Variants in IFT52 observed in about 807,000 individuals in gnomAD.
IFT52 encodes the protein intraflagellar transport 52.
In IFT52, 44 loss-of-function variants were observed where a neutral mutation model predicts 54.4. The ratio of observed to expected loss-of-function variants is 0.81; its 90% CI spans 0.63 to 1.04. IFT52 has a LOEUF of 1.04. Among genes scored for constraint, IFT52 ranks in the 50% least tolerant of loss-of-function variants. IFT52 has a pLI of 0.00. For synonymous variants in IFT52, 181 were observed against 185.3 expected (o/e 0.98, Z 0.19); for missense variants, 452 against 523.6 (o/e 0.86, Z 1.33).
intron 10 of IFT52, among the ~76,000 whole-genome samples, chr20:43,634,847 G>A (rs532438237): frequency 6.6e-6 from 1 of 152,072 alleles, no homozygotes; most frequent in Admixed American, 6.6e-5. Flanking sequence ...ATGTGTCTGT[G>A]TGCTCTCATC....
intron 10 of IFT52, among the ~76,000 whole-genome samples, chr20:43,627,649 TGTAGG>T (rs1323706504): frequency 6.6e-6 from 1 of 152,074 alleles, no homozygotes; most frequent in African/African-American, 2.4e-5. Context: ...AAATGGATAA[TGTAGG>T]AGAGAGCGAG....
rs1325531360 is a variant in IFT52 at position 43,645,346 on chromosome 20, A to G, written c.1267-1590A>G. ...GCCAAGGCAGGTGGATCACGAGGTC[A>G]GGAGATCGAGACCATACTGGCTAAC... On this transcript the variant is annotated intron_variant, in intron 13 of 13. Coordinates refer to ENST00000373030, the MANE Select transcript of IFT52 (RefSeq NM_016004.5). Among the ~76,000 whole-genome samples, 5 of 55,628 alleles carry G rather than the reference A, an allele frequency of 9.0e-5. 2 individuals carry two copies. The highest frequency in any genetic ancestry group is 2.1e-4 in the Non-Finnish European group (5 of 23,556). 36.5% of individuals were successfully genotyped at this position (55,628 alleles called of 152,430 possible). A position where few individuals can be genotyped will look rare whatever the true frequency, so the allele number is the denominator to read the frequency against.
Position 43,623,985 on chromosome 20 carries a change from C to G in IFT52, c.863C>G (p.Thr288Ser). Reference protein sequence around the residue: ...QESDEIPRDFTTLFDLSIFQL... With the variant: ...QESDEIPRDFSTLFDLSIFQL... The stretch of plus-strand genomic sequence containing the variant: ...AGTGATGAGATCCCAAGGGACTTTA[C>G]CACCCTCTTCGACCTGTCCATCTTC... Residue 288 changes from threonine (T) to serine (S), a missense_variant, in exon 10 of 14, where the codon ACC becomes AGC. Coordinates refer to ENST00000373030, the MANE Select transcript of IFT52 (RefSeq NM_016004.5). 1 of 1,614,146 alleles carries G rather than the reference C, an allele frequency of 6.2e-7. No homozygotes were observed. The highest frequency in any genetic ancestry group is 1.7e-5 in the Admixed American group (1 of 60,006).
In IFT52 at chr20:43,622,767, A is replaced by ATAT. The variant is rs1984424741; in HGVS notation, c.769-1123_769-1122insATT. Among the ~76,000 whole-genome samples, 5 of 120,828 alleles carry ATAT rather than the reference A, an allele frequency of 4.1e-5. 2 individuals carry two copies. The highest frequency in any genetic ancestry group is 1.7e-4 in the Admixed American group (2 of 11,516). The allele number at this position is 120,828 out of a possible 152,430, so 79.3% of individuals were successfully genotyped here. ...TTTATGTAAATATAAATATATACAA[A>ATAT]TTGTGTGTAAATATAAATATATACA... is the stretch of plus-strand genomic sequence containing the variant. On this transcript the variant is annotated intron_variant, in intron 9 of 13. Transcript: ENST00000373030.
intron 13 of IFT52, among the ~76,000 whole-genome samples, chr20:43,646,209 CAAA>C (rs3092766): frequency 2.2e-5 from 3 of 136,360 alleles, no homozygotes; most frequent in Admixed American, 7.4e-5. Flanking sequence ...AGACTCGTCT[CAAA>C]AAAAAAAAAA....
intron 13 of IFT52, among the ~76,000 whole-genome samples, chr20:43,646,171 A>G (rs1986186950): frequency 6.7e-6 from 1 of 150,006 alleles, no homozygotes; most frequent in South Asian, 2.1e-4. Flanking sequence ...AGATCACGCC[A>G]CTGCACTCCA....
chr20:43,628,709 A>G (rs543514611), intron 10 of IFT52, among the ~76,000 whole-genome samples: 239 of 152,076 alleles, frequency 1.6e-3, no homozygotes, highest in African/African-American at 5.1e-3. Flanking sequence ...AAATCAGCCG[A>G]GCTTGGTGGT....
In IFT52 at chr20:43,603,999, C is replaced by T. The variant is rs113145758; in HGVS notation, c.337+110C>T. 233 of 963,872 alleles carry T rather than the reference C, an allele frequency of 2.4e-4. 1 individual carries two copies. The African/African-American group carries it at 3.1e-3, about 13-fold the overall frequency. 59.7% of individuals were successfully genotyped at this position (963,872 alleles called of 1,614,324 possible). The stretch of plus-strand genomic sequence containing the variant: ...TGGAAAAAGCCCTGGGCTGTGTGTG[C>T]GTGTTTTAATGTTCCATTCTCATCA... On this transcript the variant is annotated intron_variant, in intron 4 of 13. Transcript: ENST00000373030.
intron 12 of IFT52, 80 bp from the exon 13 acceptor site, chr20:43,642,399 A>G (rs1985974668): frequency 3.9e-6 from 5 of 1,295,304 alleles, no homozygotes; most frequent in African/African-American, 1.5e-5. Flanking sequence ...ATGACAGGGC[A>G]TACCTGAAAC....
At chr20:43,606,989 A>G (rs1982947940) in intron 6 of IFT52, among the ~76,000 whole-genome samples, 2 of 152,202 alleles carry the variant, frequency 1.3e-5, no homozygotes, top group Admixed American at 6.5e-5. Context: ...ACTTCTTTCT[A>G]CACAGACACA....
intron 10 of IFT52, among the ~76,000 whole-genome samples, chr20:43,630,609 T>G (rs1985088842): frequency 6.6e-6 from 1 of 152,234 alleles, no homozygotes; most frequent in South Asian, 2.1e-4. Flanking sequence ...ATTGGGTGTT[T>G]ATCAATGCCT....
At position 43,640,150 on chromosome 20, in the gene IFT52, C is replaced by T. The variant is rs572209943; in HGVS notation, c.1121-2329C>T. ...CTGTCCTCTAACCTGGTTGACAGAG[C>T]GAGACCCTGTCTCAGAAAAGAAAAG... On this transcript the variant is annotated intron_variant, in intron 12 of 13. Transcript: ENST00000373030. Among the ~76,000 whole-genome samples, 13 of 151,942 alleles carry T rather than the reference C, an allele frequency of 8.6e-5. No individual in the cohort carries two copies. In the South Asian group the frequency reaches 2.1e-3, roughly 24 times the overall value.
At position 43,619,161 on chromosome 20, in the gene IFT52, A is replaced by G. The variant is rs992753527; in HGVS notation, c.699+135A>G. 4 of 648,684 alleles carry G rather than the reference A, an allele frequency of 6.2e-6. No individual in the cohort carries two copies. In the East Asian group the frequency reaches 1.1e-4, roughly 18 times the overall value. 40.2% of individuals were successfully genotyped at this position (648,684 alleles called of 1,614,324 possible). A position where few individuals can be genotyped will look rare whatever the true frequency, so the allele number is the denominator to read the frequency against. On this transcript the variant is annotated intron_variant, in intron 8 of 13. Transcript: ENST00000373030. ...ATTATATGCCAGGCACTGAGAATACAAAGTCGAGTCAGGCATAGTCCCAGT... is the reference window on the plus strand; with the variant it reads ...ATTATATGCCAGGCACTGAGAATACGAAGTCGAGTCAGGCATAGTCCCAGT...
chr20:43,616,532 A>G (rs1265115580), intron 7 of IFT52, among the ~76,000 whole-genome samples: 1 of 151,070 alleles, frequency 6.6e-6, no homozygotes, highest in East Asian at 2.0e-4. Flanking sequence ...AAAAAGTAAT[A>G]TTGTAGAAAT....
chr20:43,620,971 G>A, intron 9 of IFT52, 46 bp downstream of exon 9: 1 of 1,335,000 alleles, frequency 7.5e-7, no homozygotes, highest in Non-Finnish European at 1.1e-6. Context: ...AATGAGTCCA[G>A]CTTCTCAGTA....
At chr20:43,622,676 A>G (rs1358296587) in intron 9 of IFT52, among the ~76,000 whole-genome samples, 1 of 147,612 alleles carries the variant, frequency 6.8e-6, no homozygotes, top group Admixed American at 6.8e-5. Context: ...AAATATAAAT[A>G]TATACATATT....
chr20:43,592,339 GA>G (rs560872576), intron 1 of IFT52, among the ~76,000 whole-genome samples: 62 of 145,572 alleles, frequency 4.3e-4, no homozygotes, highest in Admixed American at 8.2e-4. Flanking sequence ...GAAAAAGAAG[GA>G]AAAAAAAAAG....
At chr20:43,606,383 C>T (rs1982887054) in intron 6 of IFT52, among the ~76,000 whole-genome samples, 1 of 150,256 alleles carries the variant, frequency 6.7e-6, no homozygotes, top group Non-Finnish European at 1.5e-5. Flanking sequence ...AAGTGGTTCT[C>T]CTGCCTCAGC....
rs1430908653 is a variant in IFT52, at chr20:43,642,698, T to C, written c.1266+74T>C. ...TATCTTCCATGGACTGTGCTTGCCA[T>C]GTTTTATGACGTTGATTCAGCCTGT... On this transcript the variant is annotated intron_variant, in intron 13 of 13. Transcript: ENST00000373030. 9.0e-6 allele frequency: 13 copies of C among 1,438,168 alleles called. No homozygotes were observed. In the African/African-American group the frequency reaches 1.1e-4, roughly 13 times the overall value. The allele number at this position is 1,438,168 out of a possible 1,614,324, so 89.1% of individuals were successfully genotyped here.
Sources: gnomAD v4.1 joint callset for allele counts (sites outside exome capture counted in the v4.1 genomes callset) on GRCh38, gnomAD v4.1.1 for gene constraint, MANE v1.5 for transcripts, NCBI Gene and HGNC (gene_info 2026-07-23, HGNC 2026-07-21) for gene names.